The following BMPER variants were observed in gnomAD, a reference collection of about 807,000 sequenced individuals.
BMPER encodes the protein BMP binding endothelial regulator.
In BMPER, 45 loss-of-function variants were observed where a neutral mutation model predicts 87.3. The observed-to-expected ratio is 0.52, with a 90% confidence interval of 0.41 to 0.66. The LOEUF (loss-of-function observed/expected upper bound fraction) is 0.66, where lower values mean the gene tolerates loss of function less well. BMPER is among the 30% of genes least tolerant of loss of function. The pLI is 0.00. For missense variants in BMPER, 784 were observed against 867.5 expected (o/e 0.90, Z 1.21); for synonymous variants, 326 against 316.2 (o/e 1.03, Z -0.33).
At chr7:33,973,309 T>A (rs1785596226) in intron 5 of BMPER, among the ~76,000 whole-genome samples, 1 of 152,186 alleles carries the variant, frequency 6.6e-6, no homozygotes, top group Non-Finnish European at 1.5e-5. Context: ...TCTGCCATAG[T>A]AACAGTGCTG....
intron 6 of BMPER, among the ~76,000 whole-genome samples, chr7:34,028,620 T>TTTTTTTTTTTTTTTTTTTTTTTC: frequency 7.2e-6 from 1 of 137,954 alleles, no homozygotes; most frequent in Non-Finnish European, 1.6e-5. Context: ...TTTTTTTTTT[T>TTTTTTTTTTTTTTTTTTTTTTTC]TTTTTTTTTT....
At position 33,908,065 on chromosome 7, in the gene BMPER, TGAGA is replaced by T. The variant is rs149576963; in HGVS notation, c.219+1166_219+1169del. 6.0e-3 allele frequency among the ~76,000 whole-genome samples: 910 copies of T among 152,248 alleles called. 7 individuals are homozygous for T. Among genetic ancestry groups the T allele is most frequent in the African/African-American group, 0.02 (846 of 41,552 alleles). ...ATATTGCTGCCTAATAAAACAGAGC[TGAGA>T]GAGGGTGTATTATGATTGCATATTT... On this transcript the variant is annotated intron_variant, in intron 2 of 14. Transcript: ENST00000649409.
chr7:33,940,849 A>G (rs1300819678), intron 3 of BMPER, among the ~76,000 whole-genome samples: 1 of 138,002 alleles, frequency 7.2e-6, no homozygotes, highest in African/African-American at 2.9e-5. Flanking sequence ...TTTATATATA[A>G]TAGAATTTAT....
At chr7:33,977,155 A>G (rs1276843361) in intron 6 of BMPER, among the ~76,000 whole-genome samples, 5 of 152,168 alleles carry the variant, frequency 3.3e-5, no homozygotes, top group South Asian at 2.1e-4. Context: ...GGGGAGTGTC[A>G]TAAGAGCAGT....
At chr7:34,048,229 A>G (rs948377625) in intron 7 of BMPER, among the ~76,000 whole-genome samples, 1 of 152,134 alleles carries the variant, frequency 6.6e-6, no homozygotes, top group Non-Finnish European at 1.5e-5. Context: ...GACCAAGTTG[A>G]CAAATAAAGG....
intron 2 of BMPER, among the ~76,000 whole-genome samples, chr7:33,916,976 G>A (rs1284659321): frequency 6.6e-6 from 1 of 152,006 alleles, no homozygotes; most frequent in Non-Finnish European, 1.5e-5. Context: ...TATAAACACT[G>A]TCTTTTTTTT....
At chr7:33,944,614 G>C (rs1051515813) in intron 3 of BMPER, among the ~76,000 whole-genome samples, 1 of 152,088 alleles carries the variant, frequency 6.6e-6, no homozygotes, top group Non-Finnish European at 1.5e-5. Context: ...AGAGAAGAAG[G>C]CATGTTATCA....
chr7:34,047,169 A>T (rs1585773624), intron 7 of BMPER, among the ~76,000 whole-genome samples: 1 of 152,188 alleles, frequency 6.6e-6, no homozygotes, highest in Non-Finnish European at 1.5e-5. Context: ...AGAGGGCTGC[A>T]TGCATGTTGC....
At chr7:33,958,405 G>T (rs1161008477) in intron 3 of BMPER, among the ~76,000 whole-genome samples, 2 of 152,148 alleles carry the variant, frequency 1.3e-5, no homozygotes, top group Non-Finnish European at 2.9e-5. Context: ...AGCATAGTTG[G>T]TAGCCAAATG....
At chr7:34,073,160 C>T (rs988293674) in intron 11 of BMPER, among the ~76,000 whole-genome samples, 4 of 151,880 alleles carry the variant, frequency 2.6e-5, no homozygotes, top group African/African-American at 9.7e-5. Context: ...TTTATTGGTA[C>T]ATAATATGTG....
chr7:34,020,307 CTGGAAATCTGG>C (rs1262547986), intron 6 of BMPER, among the ~76,000 whole-genome samples: 1 of 151,948 alleles, frequency 6.6e-6, no homozygotes, highest in Admixed American at 6.6e-5. Flanking sequence ...TTCCTGCCTA[CTGGAAATCTGG>C]TATAGAAATA....
At chr7:34,120,651 G>A (rs528174102) in intron 13 of BMPER, among the ~76,000 whole-genome samples, 2 of 152,312 alleles carry the variant, frequency 1.3e-5, no homozygotes, top group South Asian at 2.1e-4. Context: ...GCCCACCTCA[G>A]CCTCCCAAAG....
chr7:33,966,624 C>T (rs564151383), intron 4 of BMPER, 63 bp downstream of exon 4: 2 of 1,483,946 alleles, frequency 1.3e-6, no homozygotes, highest in South Asian at 1.1e-5. Context: ...TTAGTCACCC[C>T]TTCACACAAC....
At chr7:34,147,289 C>G (rs544979973) in intron 14 of BMPER, among the ~76,000 whole-genome samples, 2 of 152,314 alleles carry the variant, frequency 1.3e-5, no homozygotes, top group South Asian at 4.1e-4. Flanking sequence ...GTATGGTGAC[C>G]TTCAGCACCC....
At chr7:34,079,634 T>C (rs1421185850) in intron 12 of BMPER, among the ~76,000 whole-genome samples, 1 of 152,208 alleles carries the variant, frequency 6.6e-6, no homozygotes, top group Non-Finnish European at 1.5e-5. Flanking sequence ...TTAGCATCTG[T>C]CCAAGTCTTT....
At position 33,905,750 on chromosome 7, in the gene BMPER, G is replaced by GA. The variant is rs754202403; in HGVS notation, c.133+4_133+5insA. 1 of 1,611,482 alleles carries GA rather than the reference G, an allele frequency of 6.2e-7. No homozygotes were observed. ...CTGGCTTCCTCCTTCTTGACAGGTA[G>GA]GGGAGGGGGCGGGAGGGACCGGCCC... On this transcript the variant is annotated splice_donor_region_variant and intron_variant, in intron 1 of 14. Transcript: ENST00000649409.
At chr7:34,129,666 A>AAGAAAGAAAGAC (rs1562762288) in intron 13 of BMPER, among the ~76,000 whole-genome samples, 28 of 151,136 alleles carry the variant, frequency 1.9e-4, no homozygotes, top group African/African-American at 6.1e-4. Flanking sequence ...GAAAGAAAGA[A>AAGAAAGAAAGAC]AGAAAGAAAG....
At chr7:33,945,900 G>GTCCTCAAGGAGCTTGCT (rs1187865539) in intron 3 of BMPER, among the ~76,000 whole-genome samples, 1 of 152,100 alleles carries the variant, frequency 6.6e-6, no homozygotes, top group African/African-American at 2.4e-5. Flanking sequence ...GGGTGACCAT[G>GTCCTCAAGGAGCTTGCT]TCCTCAAGGA....
intron 14 of BMPER, among the ~76,000 whole-genome samples, chr7:34,143,801 A>G (rs1790942245): frequency 6.6e-6 from 1 of 152,168 alleles, no homozygotes; most frequent in African/African-American, 2.4e-5. Context: ...CCCCTCTGAG[A>G]GATTTCTATA....
Sources: allele counts gnomAD v4.1 joint callset (sites outside exome capture counted in the v4.1 genomes callset), GRCh38; gene constraint gnomAD v4.1.1; transcripts MANE v1.5; gene names NCBI Gene and HGNC (gene_info 2026-07-23, HGNC 2026-07-21).